The following ARHGEF28 variants were observed in gnomAD, a reference collection of about 807,000 sequenced individuals.
The protein encoded by ARHGEF28 is Rho guanine nucleotide exchange factor 28.
ARHGEF28 carries 152 observed loss-of-function variants against 206.6 expected under a neutral mutation model. The ratio of observed to expected loss-of-function variants is 0.74; its 90% CI spans 0.64 to 0.84. ARHGEF28 has a LOEUF of 0.84. Among genes scored for constraint, ARHGEF28 ranks in the 40% least tolerant of loss-of-function variants. The pLI, the probability that ARHGEF28 is intolerant of heterozygous loss-of-function variation, is 0.00. For missense variants in ARHGEF28, 2,028 were observed against 2,073.2 expected (o/e 0.98, Z 0.42); for synonymous variants, 763 against 776.4 (o/e 0.98, Z 0.29).
At position 73,887,681 on chromosome 5, in the gene ARHGEF28, T is replaced by C; in HGVS notation, c.3387+2T>C. ...CAGAAATACATCTTTGCAGCCGTTGTAAGTATATGACTGTGTGATGTATTT... is the reference window on the plus strand; with the variant it reads ...CAGAAATACATCTTTGCAGCCGTTGCAAGTATATGACTGTGTGATGTATTT... On this transcript the variant is annotated splice_donor_variant, in intron 26 of 35. Transcript: ENST00000513042. LOFTEE classifies it high-confidence loss of function. 1 of 1,563,974 alleles carries C rather than the reference T, an allele frequency of 6.4e-7. No individual in the cohort carries two copies. The highest frequency in any genetic ancestry group is 8.7e-7 in the Non-Finnish European group (1 of 1,152,880).
intron 10 of ARHGEF28, among the ~76,000 whole-genome samples, chr5:73,834,314 C>A (rs1757473414): frequency 6.6e-6 from 1 of 151,972 alleles, no homozygotes; most frequent in Non-Finnish European, 1.5e-5. Flanking sequence ...AAGTTTGTAC[C>A]CTTCGACTAA....
At chr5:73,644,362 G>T (rs1016467903) in intron 1 of ARHGEF28, among the ~76,000 whole-genome samples, 3 of 152,180 alleles carry the variant, frequency 2.0e-5, no homozygotes, top group African/African-American at 7.2e-5. Context: ...CTGGGTTATT[G>T]TGATGATTTC....
chr5:73,939,327 G>A (rs1436679634), intron 35 of ARHGEF28, among the ~76,000 whole-genome samples: 1 of 152,190 alleles, frequency 6.6e-6, no homozygotes, highest in Admixed American at 6.5e-5. Context: ...CCTTCTGCAG[G>A]TATGCTTTCA....
chr5:73,839,659 C>T (rs191239348), intron 10 of ARHGEF28, among the ~76,000 whole-genome samples: 11 of 152,266 alleles, frequency 7.2e-5, no homozygotes, highest in Middle Eastern at 3.4e-3. Flanking sequence ...CTTTCTCTGC[C>T]ATTCAGAGTT....
chr5:73,886,337 A>G (rs763758013), intron 25 of ARHGEF28, among the ~76,000 whole-genome samples: 2 of 152,210 alleles, frequency 1.3e-5, no homozygotes, highest in Non-Finnish European at 2.9e-5. Flanking sequence ...TGAATTTGCA[A>G]GTTTGTGATG....
intron 35 of ARHGEF28, chr5:73,923,093 G>C: frequency 6.5e-7 from 1 of 1,535,660 alleles, no homozygotes; most frequent in Non-Finnish European, 8.7e-7. Context: ...TCAGGCTCCA[G>C]TATGACAAAG....
intron 12 of ARHGEF28, 111 bp downstream of exon 12, chr5:73,846,586 A>AT (rs11390939): frequency 0.57 from 529,354 of 936,306 alleles, 155,824 homozygotes; most frequent in African/African-American, 0.91. Flanking sequence ...CATATGAACT[A>AT]TTTTTTTGAG....
chr5:73,901,536 A>G (rs960512719), intron 31 of ARHGEF28: 9 of 283,788 alleles, frequency 3.2e-5, no homozygotes, highest in Non-Finnish European at 6.1e-5. Flanking sequence ...TCTCCTGTGT[A>G]TATGTGTGTC....
intron 35 of ARHGEF28, among the ~76,000 whole-genome samples, chr5:73,938,200 A>ACACACACACACACACACAC (rs1554033521): frequency 6.9e-6 from 1 of 145,150 alleles, no homozygotes; most frequent in Non-Finnish European, 1.5e-5. Flanking sequence ...ACACACACAC[A>ACACACACACACACACACAC]ACTCCCCATC....
chr5:73,801,136 C>T (rs910730682), intron 9 of ARHGEF28, among the ~76,000 whole-genome samples: 5 of 152,152 alleles, frequency 3.3e-5, no homozygotes, highest in African/African-American at 9.7e-5. Flanking sequence ...TGGAAAAGAA[C>T]GTTTTGAGAT....
In ARHGEF28 at chr5:73,889,718, G is replaced by A. The variant is rs1301184767; in HGVS notation, c.3387+2039G>A. Among the ~76,000 whole-genome samples, 3 of 152,234 alleles carry A rather than the reference G, an allele frequency of 2.0e-5. No homozygotes were observed. In the East Asian group the frequency reaches 5.8e-4, roughly 29 times the overall value. On this transcript the variant is annotated intron_variant, in intron 26 of 35. Transcript: ENST00000513042. The stretch of plus-strand genomic sequence containing the variant: ...TAGAGGTCTTCAACTCCTAATGCCT[G>A]TAGGCATTGGGCAGAAATGTGATTG...
intron 2 of ARHGEF28, among the ~76,000 whole-genome samples, chr5:73,720,774 A>C (rs1050195884): frequency 6.6e-6 from 1 of 152,194 alleles, no homozygotes. Context: ...CAAATGGCAC[A>C]TAAACATGTA....
At chr5:73,828,967 T>G (rs1757117049) in intron 9 of ARHGEF28, among the ~76,000 whole-genome samples, 1 of 152,074 alleles carries the variant, frequency 6.6e-6, no homozygotes, top group South Asian at 2.1e-4. Context: ...ACTACAGGTG[T>G]GCACCACCAC....
In ARHGEF28 at chr5:73,892,051, G is replaced by A. The variant is rs1163091605; in HGVS notation, c.3388-1G>A. On this transcript the variant is annotated splice_acceptor_variant, in intron 26 of 35. Transcript: ENST00000513042. LOFTEE classifies it high-confidence loss of function. ...TCTGCTCACCTTCCTATTTTATGTA[G>A]GATCAGAAGCCATCAGTTATTTCCC... 6.3e-7 allele frequency: 1 copy of A among 1,597,374 alleles called. No homozygotes were observed. Among genetic ancestry groups the A allele is most frequent in the Non-Finnish European group, 8.5e-7 (1 of 1,171,068 alleles).
chr5:73,760,118 A>C (rs1752527469), intron 4 of ARHGEF28, among the ~76,000 whole-genome samples: 1 of 152,188 alleles, frequency 6.6e-6, no homozygotes. Context: ...TAACCAGAGA[A>C]GGGCAAACTG....
At chr5:73,705,830 A>AC (rs1384930790) in intron 2 of ARHGEF28, among the ~76,000 whole-genome samples, 1 of 151,962 alleles carries the variant, frequency 6.6e-6, no homozygotes, top group Admixed American at 6.6e-5. Flanking sequence ...TCAAATGTTG[A>AC]CCCCCAATGA....
intron 7 of ARHGEF28, among the ~76,000 whole-genome samples, chr5:73,787,250 C>G (rs1205590879): frequency 6.6e-6 from 1 of 152,178 alleles, no homozygotes; most frequent in East Asian, 1.9e-4. Flanking sequence ...CTTGCATACA[C>G]AGCTCTACCT....
intron 1 of ARHGEF28, among the ~76,000 whole-genome samples, chr5:73,652,311 G>A (rs966624692): frequency 5.3e-5 from 8 of 152,208 alleles, no homozygotes; most frequent in African/African-American, 1.9e-4. Context: ...AATTCTTACT[G>A]CTATAGACTC....
intron 13 of ARHGEF28, 57 bp from the exon 14 acceptor site, chr5:73,852,593 C>T (rs1330956375): frequency 6.7e-6 from 10 of 1,501,818 alleles, no homozygotes; most frequent in Non-Finnish European, 8.3e-6. Context: ...TTCAGACTAA[C>T]ATATGACTGC....
Sources: allele counts gnomAD v4.1 joint callset (sites outside exome capture counted in the v4.1 genomes callset), GRCh38; gene constraint gnomAD v4.1.1; transcripts MANE v1.5; gene names NCBI Gene and HGNC (gene_info 2026-07-23, HGNC 2026-07-21).